The following PDE1C variants were observed in gnomAD, a reference collection of about 807,000 sequenced individuals.
PDE1C encodes the protein dual specificity calcium/calmodulin-dependent 3',5'-cyclic nucleotide phosphodiesterase 1C.
PDE1C carries 62 observed loss-of-function variants against 93.1 expected under a neutral mutation model. That is an observed-to-expected ratio of 0.67 (90% CI 0.54 to 0.82). The LOEUF is 0.82. PDE1C is among the 40% of genes least tolerant of loss of function. The probability of loss-of-function intolerance (pLI) is 0.00; values close to 1 mark genes in which losing one functional copy is unlikely to be tolerated. For synonymous variants in PDE1C, 325 were observed against 310.1 expected, an observed-to-expected ratio of 1.05 and a Z score of -0.50; for missense variants, 742 against 884.6, an observed-to-expected ratio of 0.84 and a Z score of 2.04.
the PDE1C span, among the ~76,000 whole-genome samples, chr7:31,639,038 A>G: frequency 0.16 from 23,839 of 152,138 alleles, 2,343 homozygotes; most frequent in Non-Finnish European, 0.2. Flanking sequence ...CGGCCTCCCA[A>G]AGTGCTGGGA....
chr7:32,086,008 A>G (rs1451691629), intron 3 of PDE1C, among the ~76,000 whole-genome samples: 1 of 151,870 alleles, frequency 6.6e-6, no homozygotes, highest in African/African-American at 2.4e-5. Flanking sequence ...GGCCAGGGCA[A>G]TCAGGCAGGA....
chr7:31,993,724 G>A (rs2128541534), intron 2 of PDE1C, among the ~76,000 whole-genome samples: 1 of 152,200 alleles, frequency 6.6e-6, no homozygotes, highest in South Asian at 2.1e-4. Flanking sequence ...AAAAATGAAT[G>A]AAACAAAATC....
At chr7:32,005,644 A>C (rs1033008741) in intron 2 of PDE1C, among the ~76,000 whole-genome samples, 3 of 151,184 alleles carry the variant, frequency 2.0e-5, no homozygotes, top group African/African-American at 7.3e-5. Context: ...GTGTAAAAGA[A>C]GGGGTGTATG....
At chr7:31,826,894 C>G (rs1295398922) in intron 12 of PDE1C, among the ~76,000 whole-genome samples, 2 of 152,128 alleles carry the variant, frequency 1.3e-5, no homozygotes, top group Non-Finnish European at 2.9e-5. Context: ...GCTATCAAAA[C>G]CACTTAACTC....
intron 1 of PDE1C, among the ~76,000 whole-genome samples, chr7:32,319,898 T>A (rs1477508657): frequency 2.0e-5 from 3 of 152,226 alleles, no homozygotes; most frequent in African/African-American, 7.2e-5. Flanking sequence ...ATAGTTTTTA[T>A]GCCCCTTGAA....
At chr7:32,157,546 G>GGA (rs4000176) in intron 3 of PDE1C, among the ~76,000 whole-genome samples, 1 of 152,172 alleles carries the variant, frequency 6.6e-6, no homozygotes, top group Non-Finnish European at 1.5e-5. Flanking sequence ...AGTGGAGCCA[G>GGA]CCAAAAAATA....
intron 9 of PDE1C, among the ~76,000 whole-genome samples, chr7:31,846,458 A>T (rs1792617776): frequency 1.3e-5 from 2 of 152,186 alleles, no homozygotes; most frequent in South Asian, 2.1e-4. Flanking sequence ...CCCCTTCCTT[A>T]TACCTTATAC....
At chr7:32,028,703 A>C (rs1046038413) in intron 2 of PDE1C, among the ~76,000 whole-genome samples, 3 of 152,078 alleles carry the variant, frequency 2.0e-5, no homozygotes, top group African/African-American at 7.2e-5. Flanking sequence ...TTTTGTGGTA[A>C]GAACGTTAGA....
At chr7:31,820,996 A>C (rs1284642003) in intron 14 of PDE1C, 1 of 151,950 alleles carries the variant, frequency 6.6e-6, no homozygotes, top group Non-Finnish European at 1.5e-5. Flanking sequence ...AAAAAAAAAA[A>C]AAAAAAACCT....
At chr7:32,112,973 T>G (rs571848286) in intron 3 of PDE1C, among the ~76,000 whole-genome samples, 22 of 149,494 alleles carry the variant, frequency 1.5e-4, no homozygotes, top group African/African-American at 4.9e-4. Flanking sequence ...AGCAGTATTA[T>G]CTTATGAGGT....
chr7:32,298,845 G>A (rs1812796889), exon 1 of PDE1C: 7 of 1,422,824 alleles, frequency 4.9e-6, no homozygotes, highest in Non-Finnish European at 6.4e-6. Context: ...CCCCGGCCGC[G>A]CCGCGCTGTC....
intron 3 of PDE1C, among the ~76,000 whole-genome samples, chr7:32,144,898 C>T (rs548051331): frequency 1.1e-3 from 166 of 152,310 alleles, no homozygotes; most frequent in African/African-American, 3.8e-3. Flanking sequence ...TAATTCCACC[C>T]TTACTCCACC....
At chr7:31,742,669 C>G in the PDE1C span, among the ~76,000 whole-genome samples, 1 of 152,164 alleles carries the variant, frequency 6.6e-6, no homozygotes, top group Admixed American at 6.5e-5. Flanking sequence ...CCTAGGCCAC[C>G]AAAAGTCATG....
At chr7:31,953,041 C>T (rs1584156471) in intron 2 of PDE1C, among the ~76,000 whole-genome samples, 2 of 152,246 alleles carry the variant, frequency 1.3e-5, no homozygotes, top group East Asian at 3.9e-4. Context: ...GCCCTGCATG[C>T]TTTTCCACAG....
chr7:32,047,891 A>G (rs1792819442), intron 2 of PDE1C, among the ~76,000 whole-genome samples: 1 of 152,228 alleles, frequency 6.6e-6, no homozygotes, highest in African/African-American at 2.4e-5. Context: ...TCCTATATTA[A>G]GCCACCTACT....
chr7:32,267,584 A>ACTCTCTCTCTCTCTCTCT (rs756476017), intron 1 of PDE1C, among the ~76,000 whole-genome samples: 2 of 113,078 alleles, frequency 1.8e-5, no homozygotes, highest in African/African-American at 7.3e-5. Flanking sequence ...ACACACACAC[A>ACTCTCTCTCTCTCTCTCT]CACTCTCTCT....
At chr7:31,737,788 G>A in the PDE1C span, among the ~76,000 whole-genome samples, 1 of 119,872 alleles carries the variant, frequency 8.3e-6, no homozygotes, top group Non-Finnish European at 1.6e-5. Context: ...GTGAGAGAGC[G>A]ACACTCCATC....
At chr7:31,831,697 AGAG>A (rs900610336) in intron 11 of PDE1C, among the ~76,000 whole-genome samples, 1 of 152,084 alleles carries the variant, frequency 6.6e-6, no homozygotes, top group African/African-American at 2.4e-5. Context: ...AGAAGAAAAG[AGAG>A]GAGGAGGAGA....
At chr7:31,785,368 A>G (rs1783821711) in intron 16 of PDE1C, 2 of 152,174 alleles carry the variant, frequency 1.3e-5, no homozygotes, top group Non-Finnish European at 2.9e-5. Context: ...GGGTGCAAGT[A>G]CAGTTAGTGA....
Sources: gnomAD v4.1 joint callset for allele counts (sites outside exome capture counted in the v4.1 genomes callset) on GRCh38, gnomAD v4.1.1 for gene constraint, MANE v1.5 for transcripts, NCBI Gene and HGNC (gene_info 2026-07-23, HGNC 2026-07-21) for gene names.